The following PCGF3 variants were observed in gnomAD, a reference collection of about 807,000 sequenced individuals.
PCGF3 encodes the protein polycomb group RING finger protein 3.
A neutral mutation model predicts 33.1 loss-of-function variants in PCGF3; 7 were observed. The ratio of observed to expected loss-of-function variants is 0.21; its 90% CI spans 0.12 to 0.40. The LOEUF (loss-of-function observed/expected upper bound fraction) is 0.40. PCGF3 is among the 10% of genes least tolerant of loss of function. The probability of loss-of-function intolerance (pLI) is 1.00; values close to 1 mark genes in which losing one functional copy is unlikely to be tolerated. For synonymous variants in PCGF3, 153 were observed against 121.3 expected, an observed-to-expected ratio of 1.26 and a Z score of -1.72; for missense variants, 211 against 313.3, an observed-to-expected ratio of 0.67 and a Z score of 2.46.
chr4:734,851 C>A, intron 4 of PCGF3, 80 bp from the exon 5 acceptor site: 2 of 1,540,996 alleles, frequency 1.3e-6, no homozygotes, highest in Non-Finnish European at 1.8e-6. Context: ...TCAGAGACGC[C>A]CGTGTTCAGT....
intron 8 of PCGF3, among the ~76,000 whole-genome samples, chr4:758,374 C>T (rs1439263240): frequency 1.4e-5 from 2 of 146,708 alleles, no homozygotes; most frequent in Non-Finnish European, 3.0e-5. Flanking sequence ...CCCTCGAGGC[C>T]CCTCTCCGGA....
rs766140221 is a variant in PCGF3, at chr4:735,045, C to T, written c.206+18C>T. 6.2e-6 allele frequency: 10 copies of T among 1,608,690 alleles called. No individual in the cohort carries two copies. The South Asian group carries it at 8.9e-5, about 14-fold the overall frequency. On this transcript the variant is annotated intron_variant, in intron 5 of 10. Transcript: ENST00000362003. ...TACATCGGGTGAGTGTGGGCCTTCC[C>T]AGGCCACAGTACGTGGGGTGAGTGC... is the stretch of plus-strand genomic sequence containing the variant.
At chr4:752,828 G>A (rs1386582168) in intron 8 of PCGF3, among the ~76,000 whole-genome samples, 1 of 152,220 alleles carries the variant, frequency 6.6e-6, no homozygotes, top group Non-Finnish European at 1.5e-5. Flanking sequence ...CCGCCTTCAG[G>A]CCCCTGTCAG....
intron 8 of PCGF3, among the ~76,000 whole-genome samples, chr4:748,823 C>T (rs1462578091): frequency 1.3e-5 from 2 of 152,142 alleles, no homozygotes; most frequent in African/African-American, 2.4e-5. Flanking sequence ...CTGGGTCTTT[C>T]CTGGTTGGCC....
At chr4:734,621 C>A in intron 4 of PCGF3, 1 of 1,228,668 alleles carries the variant, frequency 8.1e-7, no homozygotes. Flanking sequence ...TCTGTTTTAG[C>A]CCATGTTCTG....
chr4:717,309 C>A (rs547881189), intron 1 of PCGF3, among the ~76,000 whole-genome samples: 1 of 147,746 alleles, frequency 6.8e-6, no homozygotes, highest in South Asian at 2.2e-4. Flanking sequence ...GAGAACTGGG[C>A]GTCGGTGCTG....
chr4:729,975 C>T (rs1262998025), intron 1 of PCGF3, among the ~76,000 whole-genome samples: 1 of 152,122 alleles, frequency 6.6e-6, no homozygotes, highest in Non-Finnish European at 1.5e-5. Flanking sequence ...ACCCTGATGC[C>T]CCATCCCAGA....
chr4:744,610 A>G (rs183503213), exon 8 of PCGF3: 1 of 1,557,446 alleles, frequency 6.4e-7, no homozygotes. Flanking sequence ...GTGAAACCAA[A>G]GCAGACGACA....
chr4:747,805 C>T (rs1744327797), intron 8 of PCGF3, among the ~76,000 whole-genome samples: 1 of 152,182 alleles, frequency 6.6e-6, no homozygotes, highest in South Asian at 2.1e-4. Context: ...CAGAAACCTT[C>T]CCTGGGGATG....
At chr4:744,568 C>T (rs1304044332) in intron 7 of PCGF3, 32 bp from the exon 8 acceptor site, 3 of 1,487,796 alleles carry the variant, frequency 2.0e-6, no homozygotes, top group Non-Finnish European at 2.8e-6. Context: ...GTTTGGATTT[C>T]ATGGTGCGCT....
At chr4:727,233 CTTTTTTTTTTTTTTTT>C (rs57690550) in intron 1 of PCGF3, among the ~76,000 whole-genome samples, 1 of 61,892 alleles carries the variant, frequency 1.6e-5, no homozygotes, top group South Asian at 8.7e-4. Context: ...TAGCGAGCGT[CTTTTTTTTTTTTTTTT>C]TTTTTTTTTG....
In PCGF3 at chr4:720,256, C is replaced by A. The variant is rs370633173; in HGVS notation, c.-189-10374C>A. 6.6e-6 allele frequency among the ~76,000 whole-genome samples: 1 copy of A among 152,142 alleles called. No individual in the cohort carries two copies. Among genetic ancestry groups the A allele is most frequent in the East Asian group, 1.9e-4 (1 of 5,142 alleles). ...CTGGGGAGGGTGACCGCGGGAGGAG[C>A]GCCCGTGCATCGCTGCAGAGGGTGA... is the stretch of plus-strand genomic sequence containing the variant. On this transcript the variant is annotated intron_variant, in intron 1 of 10. Coordinates refer to ENST00000362003, the Ensembl canonical transcript of PCGF3. The surrounding 1 kb of genome is among the most constrained non-coding windows in gnomAD (Gnocchi z 5.6).
intron 5 of PCGF3, among the ~76,000 whole-genome samples, chr4:735,349 C>G (rs1743781229): frequency 6.6e-6 from 1 of 152,208 alleles, no homozygotes; most frequent in African/African-American, 2.4e-5. Flanking sequence ...GAGTTTGAGA[C>G]CAGCCTGACC....
At chr4:739,994 G>T (rs981211677) in intron 6 of PCGF3, among the ~76,000 whole-genome samples, 1 of 152,224 alleles carries the variant, frequency 6.6e-6, no homozygotes, top group Non-Finnish European at 1.5e-5. Context: ...TCAGTCATTT[G>T]TGGCTCTTTA....
exon 11 of PCGF3, chr4:766,739 C>G (rs1333290996): frequency 6.6e-6 from 1 of 152,226 alleles, no homozygotes. Context: ...AGAACTGTCG[C>G]TCACCTGTGG....
chr4:751,169 A>G (rs1307448883), intron 8 of PCGF3, among the ~76,000 whole-genome samples: 1 of 151,940 alleles, frequency 6.6e-6, no homozygotes, highest in Non-Finnish European at 1.5e-5. Flanking sequence ...TTAAACTTGG[A>G]TTCCGTGTCC....
At chr4:711,924 G>A (rs1742587458) in intron 1 of PCGF3, among the ~76,000 whole-genome samples, 1 of 150,186 alleles carries the variant, frequency 6.7e-6, no homozygotes, top group African/African-American at 2.5e-5. Context: ...TTGCACTCCA[G>A]ACTGGGCGAA....
chr4:732,355 C>CCCTCCCCTCCCTTCTCCTTCG (rs1331413302), intron 3 of PCGF3: 1 of 152,654 alleles, frequency 6.6e-6, no homozygotes, highest in African/African-American at 2.4e-5. Context: ...CCTTCCCTTC[C>CCCTCCCCTCCCTTCTCCTTCG]CCTCCCCTCC....
chr4:753,975 G>A (rs1432059719), intron 8 of PCGF3, among the ~76,000 whole-genome samples: 1 of 152,216 alleles, frequency 6.6e-6, no homozygotes, highest in African/African-American at 2.4e-5. Flanking sequence ...GCGAGCAGCT[G>A]CCCAGTGGAC....
Sources: allele counts gnomAD v4.1 joint callset (sites outside exome capture counted in the v4.1 genomes callset), GRCh38; gene constraint gnomAD v4.1.1; non-coding constraint Gnocchi (gnomAD v3.1); transcripts MANE v1.5; gene names NCBI Gene and HGNC (gene_info 2026-07-23, HGNC 2026-07-21).